The following ITK variants were observed in gnomAD, a reference collection of about 807,000 sequenced individuals.
ITK encodes tyrosine-protein kinase ITK/TSK.
A neutral mutation model predicts 87.6 loss-of-function variants in ITK; 45 were observed. The ratio of observed to expected loss-of-function variants is 0.51; its 90% CI spans 0.40 to 0.66. The LOEUF (loss-of-function observed/expected upper bound fraction) is 0.66, where lower values mean the gene tolerates loss of function less well. Among genes scored for constraint, ITK ranks in the 30% least tolerant of loss-of-function variants. The pLI is 0.00. For missense variants in ITK, 605 were observed against 766.3 expected, an observed-to-expected ratio of 0.79 and a Z score of 2.48; for synonymous variants, 303 against 273.6, an observed-to-expected ratio of 1.11 and a Z score of -1.06.
chr5:157,215,372 A>T (rs1754278493), intron 4 of ITK, among the ~76,000 whole-genome samples: 1 of 152,080 alleles, frequency 6.6e-6, no homozygotes, highest in Non-Finnish European at 1.5e-5. Context: ...TGGCTTCCTG[A>T]TTCATAGGCC....
At chr5:157,196,556 C>T (rs1037635402) in intron 1 of ITK, among the ~76,000 whole-genome samples, 3 of 152,144 alleles carry the variant, frequency 2.0e-5, no homozygotes, top group Non-Finnish European at 2.9e-5. Flanking sequence ...TTTTAACCTA[C>T]ATTTTCATTG....
At chr5:157,197,758 C>G (rs1430661657) in intron 1 of ITK, among the ~76,000 whole-genome samples, 3 of 152,100 alleles carry the variant, frequency 2.0e-5, no homozygotes, top group African/African-American at 7.2e-5. Context: ...ACGAATTTAA[C>G]CATACACAGA....
chr5:157,233,964 T>TATATATATATATATATG (rs1491125187), intron 8 of ITK, among the ~76,000 whole-genome samples: 1 of 16,910 alleles, frequency 5.9e-5, no homozygotes, highest in African/African-American at 1.9e-4. Flanking sequence ...TATATATATA[T>TATATATATATATATATG]TTTTTTTTTT....
Position 157,245,984 on chromosome 5 carries a change from G to A in ITK, c.1618G>A (p.Asp540Asn), listed in dbSNP as rs886713435. 13 of 1,611,556 alleles carry A rather than the reference G, an allele frequency of 8.1e-6. No individual in the cohort carries two copies. Among genetic ancestry groups the A allele is most frequent in the South Asian group, 1.1e-5 (1 of 91,024 alleles). Residue 540 changes from aspartate (D) to asparagine (N), a missense_variant, in exon 15 of 17, where the codon GAT (aspartate) becomes AAT (asparagine). This residue lies in a region of ITK where 70 missense variants were observed against 122.5 expected (regional missense o/e 0.57). Coordinates refer to ENST00000422843, the MANE Select transcript of ITK (RefSeq NM_005546.4). The part of the protein sequence containing the change: ...FSFSRYSSKS[D>N]VWSFGVLMWE... ...TTTCAGTCGCTATAGCAGCAAGTCC[G>A]ATGTGTGGTCATTTGGTGAGTGTCA...
intron 6 of ITK, among the ~76,000 whole-genome samples, chr5:157,225,698 A>G (rs1224071313): frequency 6.6e-6 from 1 of 152,004 alleles, no homozygotes; most frequent in African/African-American, 2.4e-5. Flanking sequence ...CTCGTCTGGA[A>G]CCTCCCTTTC....
intron 15 of ITK, 64 bp downstream of exon 15, chr5:157,246,063 C>T (rs1357561663): frequency 7.4e-6 from 8 of 1,079,162 alleles, no homozygotes; most frequent in Admixed American, 6.7e-5. Flanking sequence ...TTTCCTTTAT[C>T]AAATGCAGAC....
rs1754913277 is a variant in ITK, at chr5:157,241,787, G to A, written c.1060+67G>A. ...GTCTGGGGCAAATTCTGAATAAACT[G>A]GCCATGAGCCTACCTGTTCCTCAGA... is the stretch of plus-strand genomic sequence containing the variant. On this transcript the variant is annotated intron_variant, in intron 11 of 16. Transcript: ENST00000422843. 5.2e-6 allele frequency: 6 copies of A among 1,150,716 alleles called. No homozygotes were observed. The South Asian group carries it at 6.2e-5, about 12-fold the overall frequency. The allele number at this position is 1,150,716 out of a possible 1,614,324, so 71.3% of individuals were successfully genotyped here.
In ITK at chr5:157,253,590, ATCC is replaced by A; in HGVS notation, c.*914_*916del. The A allele has an allele frequency of 4.4e-6, 1 of 228,510 alleles. No homozygotes were observed. 14.2% of individuals were successfully genotyped at this position (228,510 alleles called of 1,614,324 possible). The stretch of plus-strand genomic sequence containing the variant: ...GAAGAAATGATTACTTCTGAAAAAC[ATCC>A]TTTTTTCCAGCCTCTGGGAATCAGC... On this transcript the variant is annotated 3_prime_UTR_variant, in exon 17 of 17. Transcript: ENST00000422843.
At chr5:157,221,516 C>T (rs1222158684) in intron 5 of ITK, among the ~76,000 whole-genome samples, 1 of 152,042 alleles carries the variant, frequency 6.6e-6, no homozygotes, top group Non-Finnish European at 1.5e-5. Context: ...GAGCATTTTG[C>T]ATTAAAGGCC....
chr5:157,214,303 T>G lies in ITK; in HGVS notation c.438T>G (p.Tyr146Ter), dbSNP rs1293593266. The G allele has an allele frequency of 1.2e-6, 2 of 1,613,572 alleles. No individual in the cohort carries two copies. Among genetic ancestry groups the G allele is most frequent in the Admixed American group, 1.7e-5 (1 of 60,024 alleles). ...AGCTTGCAACAGGCTGTGCCCAATA[T>G]GATCCAACCAAGAATGGTAAGAGAC... ...LEKLATGCAQ[Y>*]DPTKNASKKP... Residue 146 changes from tyrosine to a stop codon, truncating the protein, a stop_gained, in exon 4 of 17, where the codon TAT becomes TAG. Transcript: ENST00000422843. LOFTEE classifies it high-confidence loss of function.
chr5:157,216,293 G>A (rs79795981), intron 4 of ITK, among the ~76,000 whole-genome samples: 4,062 of 152,182 alleles, frequency 0.027, 80 homozygotes, highest in Middle Eastern at 0.058. Flanking sequence ...TGAGCACTGG[G>A]CTTTGGATAA....
At chr5:157,234,992 G>A (rs1754748748) in intron 8 of ITK, among the ~76,000 whole-genome samples, 1 of 152,020 alleles carries the variant, frequency 6.6e-6, no homozygotes, top group Non-Finnish European at 1.5e-5. Flanking sequence ...AAAACTCCTG[G>A]TGTACTGCCC....
intron 8 of ITK, among the ~76,000 whole-genome samples, chr5:157,236,874 C>CTT (rs368336134): frequency 3.3e-5 from 5 of 152,176 alleles, no homozygotes; most frequent in African/African-American, 1.2e-4. Flanking sequence ...GCTTAATGTT[C>CTT]TTTTTCCTTC....
intron 5 of ITK, among the ~76,000 whole-genome samples, chr5:157,218,488 G>A (rs1288385661): frequency 7.1e-6 from 1 of 140,508 alleles, no homozygotes; most frequent in Non-Finnish European, 1.5e-5. Context: ...CAACCCGGGT[G>A]ACAGAGCAAG....
chr5:157,208,187 C>A (rs1002843491), intron 1 of ITK, among the ~76,000 whole-genome samples: 2 of 152,182 alleles, frequency 1.3e-5, no homozygotes, highest in East Asian at 3.8e-4. Context: ...CCCCTGAGAT[C>A]CATTCTCCAA....
intron 1 of ITK, among the ~76,000 whole-genome samples, chr5:157,203,141 A>G (rs1754009456): frequency 1.3e-5 from 2 of 152,204 alleles, no homozygotes; most frequent in South Asian, 4.1e-4. Flanking sequence ...GTTTGGTCAC[A>G]TCAACTGTTC....
chr5:157,225,418 C>G (rs35037141), intron 6 of ITK, among the ~76,000 whole-genome samples: 2,487 of 151,768 alleles, frequency 0.016, 29 homozygotes, highest in Non-Finnish European at 0.027. Context: ...TATGGAAGTG[C>G]CAAGACTGGG....
chr5:157,217,263 G>A (rs34307449), intron 4 of ITK, among the ~76,000 whole-genome samples: 2,504 of 152,242 alleles, frequency 0.016, 29 homozygotes, highest in Non-Finnish European at 0.027. Context: ...CTAAACAGAC[G>A]GAGACATGGA....
chr5:157,192,558 C>T (rs1388740585), intron 1 of ITK, among the ~76,000 whole-genome samples: 1 of 152,246 alleles, frequency 6.6e-6, no homozygotes, highest in Non-Finnish European at 1.5e-5. Flanking sequence ...TTTACTCTCT[C>T]TGGGATTTAG....
Sources: allele counts gnomAD v4.1 joint callset (sites outside exome capture counted in the v4.1 genomes callset), GRCh38; gene constraint gnomAD v4.1.1; regional missense constraint gnomAD v4.1.1; transcripts MANE v1.5; gene names NCBI Gene and HGNC (gene_info 2026-07-23, HGNC 2026-07-21).